Variants in PTPRR observed in about 807,000 individuals in gnomAD.
The protein encoded by PTPRR is receptor-type tyrosine-protein phosphatase R.
Under a neutral mutation model 77.2 loss-of-function variants are expected in PTPRR, and 38 were observed. The observed-to-expected ratio is 0.49, with a 90% CI of 0.38 to 0.65. PTPRR has a LOEUF of 0.65. Ranked by LOEUF, PTPRR falls within the 30% of genes least tolerant of loss-of-function variation. PTPRR has a pLI of 0.00. For missense variants in PTPRR, 744 were observed against 799.2 expected, an observed-to-expected ratio of 0.93 and a Z score of 0.83; for synonymous variants, 299 against 283.1, an observed-to-expected ratio of 1.06 and a Z score of -0.57.
Position 70,764,690 on chromosome 12 carries a change from T to C in PTPRR, c.446A>G (p.Gln149Arg), listed in dbSNP as rs746995768. ...AATGAGGCGATTGATGTGCACTTGCTGGGGTAAGAGTCCTAAAGCTGCAGC... is the reference window on the plus strand; with the variant it reads ...AATGAGGCGATTGATGTGCACTTGCCGGGGTAAGAGTCCTAAAGCTGCAGC... ...GVAAALGLLP[Q>R]QVHINRLIGK... Residue 149 changes from glutamine to arginine, a missense_variant, in exon 3 of 14, where the codon CAG becomes CGG. By Grantham distance (43) the Gln-to-Arg change is conservative. Around this residue, in one of 3 missense-constraint regions of PTPRR, gnomAD observed 570 missense variants for 573.2 expected, o/e 0.99. Coordinates refer to ENST00000283228, the MANE Select transcript of PTPRR (RefSeq NM_002849.4). 1.9e-6 allele frequency: 3 copies of C among 1,613,800 alleles called. No individual in the cohort carries two copies. The highest frequency in any genetic ancestry group is 2.5e-6 in the Non-Finnish European group (3 of 1,179,682).
chr12:70,919,817 A>G (rs771291374), intron 1 of PTPRR, among the ~76,000 whole-genome samples: 4 of 151,890 alleles, frequency 2.6e-5, no homozygotes, highest in Non-Finnish European at 5.9e-5. Flanking sequence ...GCAGGGGCCA[A>G]AGGAGCCTGG....
At chr12:70,831,334 A>T (rs968854293) in intron 2 of PTPRR, among the ~76,000 whole-genome samples, 2 of 152,306 alleles carry the variant, frequency 1.3e-5, no homozygotes, top group South Asian at 4.1e-4. Context: ...GTACTACTTC[A>T]CTATTTTGAA....
chr12:70,654,145 T>G (rs1047771981), intron 13 of PTPRR, among the ~76,000 whole-genome samples: 2 of 152,222 alleles, frequency 1.3e-5, no homozygotes. Context: ...ATTGAGGGCT[T>G]ACTATGTGCC....
intron 1 of PTPRR, among the ~76,000 whole-genome samples, chr12:70,894,975 T>C (rs1304284501): frequency 6.6e-6 from 1 of 151,640 alleles, no homozygotes; most frequent in Non-Finnish European, 1.5e-5. Context: ...ATTCAAGTGG[T>C]CCAAAAAGAT....
At chr12:70,684,831 T>A (rs1169731201) in intron 8 of PTPRR, 48 bp from the exon 9 acceptor site, 1 of 1,345,776 alleles carries the variant, frequency 7.4e-7, no homozygotes. Flanking sequence ...TTACCCTTTT[T>A]AAAGTTCCTT....
At position 70,698,343 on chromosome 12, in the gene PTPRR, G is replaced by A; in HGVS notation, c.1201C>T (p.Pro401Ser). The A allele has an allele frequency of 6.2e-7, 1 of 1,612,054 alleles. No individual in the cohort carries two copies. The highest frequency in any genetic ancestry group is 8.5e-7 in the Non-Finnish European group (1 of 1,178,646). The change falls in exon 8 of 14, where the codon CCA becomes TCA. Residue 401 changes from proline to serine, a missense_variant. Pro to Ser is a moderately conservative substitution (Grantham distance 74, BLOSUM62 -1). Transcript: ENST00000283228. ...HLLQSEFMEI[P>S]MNFVDPKEID... Reference sequence around the variant, plus strand: ...TCTTTGGGATCCACAAAGTTCATTGGTATTTCCTGCAAAAATAAATAATAT... The same window carrying A: ...TCTTTGGGATCCACAAAGTTCATTGATATTTCCTGCAAAAATAAATAATAT...
At chr12:70,702,447 G>C (rs760492143) in intron 6 of PTPRR, among the ~76,000 whole-genome samples, 18 of 151,918 alleles carry the variant, frequency 1.2e-4, no homozygotes, top group Non-Finnish European at 2.4e-4. Flanking sequence ...ATATGTGAGA[G>C]TAAAGACAGT....
chr12:70,850,600 A>G (rs1329477168), intron 2 of PTPRR, among the ~76,000 whole-genome samples: 2 of 152,182 alleles, frequency 1.3e-5, no homozygotes, highest in Middle Eastern at 3.2e-3. Context: ...TGAATACAAT[A>G]TATTGTAGGC....
At chr12:70,724,413 G>T (rs909237088) in intron 6 of PTPRR, among the ~76,000 whole-genome samples, 19 of 152,124 alleles carry the variant, frequency 1.2e-4, no homozygotes, top group African/African-American at 4.6e-4. Context: ...GTGCTTCACT[G>T]GAATTCTATG....
At chr12:70,645,744 A>T (rs942893754) in intron 13 of PTPRR, among the ~76,000 whole-genome samples, 2 of 152,182 alleles carry the variant, frequency 1.3e-5, no homozygotes, top group Non-Finnish European at 2.9e-5. Context: ...GCCCTGCCAA[A>T]TACAAAGATC....
intron 13 of PTPRR, among the ~76,000 whole-genome samples, chr12:70,654,116 A>G (rs1449595041): frequency 1.3e-5 from 2 of 152,190 alleles, no homozygotes; most frequent in South Asian, 2.1e-4. Context: ...TAAAGATGAT[A>G]ATAACATAAC....
intron 6 of PTPRR, among the ~76,000 whole-genome samples, chr12:70,740,024 G>A (rs367820316): frequency 2.6e-5 from 4 of 152,150 alleles, no homozygotes; most frequent in African/African-American, 9.7e-5. Flanking sequence ...GCCTTATTCT[G>A]TAAGAAAATG....
chr12:70,844,086 G>GA (rs1269151789), intron 2 of PTPRR, among the ~76,000 whole-genome samples: 1 of 152,018 alleles, frequency 6.6e-6, no homozygotes, highest in Non-Finnish European at 1.5e-5. Context: ...AAAGTGCTGG[G>GA]ATTACAGGCG....
intron 8 of PTPRR, among the ~76,000 whole-genome samples, chr12:70,693,349 C>T (rs1292237240): frequency 6.6e-6 from 1 of 151,972 alleles, no homozygotes. Flanking sequence ...GCAGTGGCTA[C>T]TCCCAGATGT....
At chr12:70,871,317 G>T (rs943778871) in intron 2 of PTPRR, among the ~76,000 whole-genome samples, 3 of 152,172 alleles carry the variant, frequency 2.0e-5, no homozygotes, top group African/African-American at 7.2e-5. Context: ...CTTCAGAGCT[G>T]CTCATTCCAC....
chr12:70,761,461 A>C lies in PTPRR; in HGVS notation c.627+10T>G. The C allele has an allele frequency of 6.4e-7, 1 of 1,565,444 alleles. No individual in the cohort carries two copies. ...CATTTTTAAATGAATTGTTTCGTGC[A>C]ACAACATACCTCAGGAGAGACTTCT... On this transcript the variant is annotated intron_variant, in intron 4 of 13. Coordinates refer to ENST00000283228, the MANE Select transcript of PTPRR (RefSeq NM_002849.4).
chr12:70,898,981 C>T (rs1000627801), intron 1 of PTPRR, among the ~76,000 whole-genome samples: 3 of 151,278 alleles, frequency 2.0e-5, no homozygotes, highest in South Asian at 2.1e-4. Context: ...TTAGATAAAA[C>T]GATCAAATCC....
intron 10 of PTPRR, among the ~76,000 whole-genome samples, chr12:70,666,103 A>T (rs145830246): frequency 1.2e-3 from 177 of 152,302 alleles, no homozygotes; most frequent in Middle Eastern, 3.4e-3. Context: ...AATCCTTTGA[A>T]GTAGGTAGGG....
intron 2 of PTPRR, among the ~76,000 whole-genome samples, chr12:70,885,809 C>T (rs371629968): frequency 6.6e-6 from 1 of 152,100 alleles, no homozygotes; most frequent in Non-Finnish European, 1.5e-5. Flanking sequence ...TGGAATTACA[C>T]GCTGAGCCAC....
Sources: gnomAD v4.1 joint callset for allele counts (sites outside exome capture counted in the v4.1 genomes callset) on GRCh38, gnomAD v4.1.1 for gene constraint, gnomAD v4.1.1 regional missense constraint, MANE v1.5 for transcripts, NCBI Gene and HGNC (gene_info 2026-07-23, HGNC 2026-07-21) for gene names.